The following QKI variants were observed in gnomAD, a reference collection of about 807,000 sequenced individuals.
QKI encodes QKI, KH domain containing RNA binding.
A neutral mutation model predicts 39.0 loss-of-function variants in QKI; 10 were observed. The ratio of observed to expected loss-of-function variants is 0.26; its 90% CI spans 0.16 to 0.43. The LOEUF (loss-of-function observed/expected upper bound fraction) is 0.43, where lower values mean the gene tolerates loss of function less well. Ranked by LOEUF, QKI falls within the 20% of genes least tolerant of loss-of-function variation. QKI has a pLI of 1.00. For synonymous variants in QKI, 204 were observed against 155.4 expected, an observed-to-expected ratio of 1.31 and a Z score of -2.33; for missense variants, 218 against 428.0, an observed-to-expected ratio of 0.51 and a Z score of 4.33.
intron 3 of QKI, among the ~76,000 whole-genome samples, chr6:163,525,729 A>T (rs552180543): frequency 2.0e-5 from 3 of 152,294 alleles, no homozygotes; most frequent in Non-Finnish European, 4.4e-5. Flanking sequence ...ACTTTTAAGT[A>T]TTGTATTTAG....
chr6:163,488,637 T>C (rs1173228504), intron 3 of QKI, among the ~76,000 whole-genome samples: 1 of 152,186 alleles, frequency 6.6e-6, no homozygotes, highest in African/African-American at 2.4e-5. Flanking sequence ...GGTGACAATT[T>C]TACACTGAGC....
At chr6:163,417,317 C>T (rs1237162653) in intron 1 of QKI, among the ~76,000 whole-genome samples, 1 of 151,912 alleles carries the variant, frequency 6.6e-6, no homozygotes, top group East Asian at 1.9e-4. Context: ...GAAAATAGGC[C>T]TTGGCAATAT....
At chr6:163,568,879 G>A in intron 7 of QKI, 6 of 985,792 alleles carry the variant, frequency 6.1e-6, no homozygotes, top group Non-Finnish European at 7.2e-6. Context: ...GTCTTGCATG[G>A]TGACACACCT....
chr6:163,524,116 T>C (rs1261047098), intron 3 of QKI, among the ~76,000 whole-genome samples: 1 of 152,216 alleles, frequency 6.6e-6, no homozygotes, highest in East Asian at 1.9e-4. Flanking sequence ...TATCCCACTT[T>C]CCAGGAAACT....
chr6:163,455,233 G>T (rs779021640), intron 1 of QKI, 46 bp from the exon 2 acceptor site: 13 of 1,537,160 alleles, frequency 8.5e-6, no homozygotes, highest in Non-Finnish European at 9.8e-6. Flanking sequence ...GGACTAGCAA[G>T]AATATTTTTT....
Position 163,576,553 on chromosome 6 carries a change from T to A in QKI, c.*5843T>A, listed in dbSNP as rs529917222. ...ATTGTAGTGGTATGTATGAAACATT[T>A]AAAATTTTACTGTGGAAATTGTGTA... On this transcript the variant is annotated 3_prime_UTR_variant, in exon 8 of 8. Transcript: ENST00000361752. 19 of 152,128 alleles carry A rather than the reference T, an allele frequency of 1.2e-4. No homozygotes were observed. Among genetic ancestry groups the A allele is most frequent in the African/African-American group, 4.6e-4 (19 of 41,402 alleles). The allele number at this position is 152,128 out of a possible 1,614,324, so 9.4% of individuals were successfully genotyped here. A position where few individuals can be genotyped will look rare whatever the true frequency, so the allele number is the denominator to read the frequency against.
intron 3 of QKI, among the ~76,000 whole-genome samples, chr6:163,509,631 C>A (rs1364720820): frequency 6.6e-6 from 1 of 151,928 alleles, no homozygotes; most frequent in African/African-American, 2.4e-5. Flanking sequence ...ATTGTATCCC[C>A]TATAGCAATA....
At chr6:163,525,684 T>C (rs1038521454) in intron 3 of QKI, among the ~76,000 whole-genome samples, 1 of 152,164 alleles carries the variant, frequency 6.6e-6, no homozygotes, top group Non-Finnish European at 1.5e-5. Context: ...CTTTTTATTG[T>C]TTTCAATGAA....
chr6:163,446,345 G>A (rs1485623168), intron 1 of QKI, among the ~76,000 whole-genome samples: 1 of 152,078 alleles, frequency 6.6e-6, no homozygotes, highest in Admixed American at 6.6e-5. Flanking sequence ...GTTATCTTGG[G>A]TACCCGTTTC....
intron 2 of QKI, among the ~76,000 whole-genome samples, chr6:163,465,383 A>G (rs1791659177): frequency 6.6e-6 from 1 of 152,086 alleles, no homozygotes; most frequent in Non-Finnish European, 1.5e-5. Flanking sequence ...GATTCCCAGC[A>G]CTTTGGGAGG....
Position 163,574,240 on chromosome 6 carries a change from T to C in QKI, c.*3530T>C, listed in dbSNP as rs1783854785. 1 of 152,356 alleles carries C rather than the reference T, an allele frequency of 6.6e-6. No individual in the cohort carries two copies. Among genetic ancestry groups the C allele is most frequent in the South Asian group, 2.1e-4 (1 of 4,832 alleles). The allele number at this position is 152,356 out of a possible 1,614,324, so 9.4% of individuals were successfully genotyped here. A position where few individuals can be genotyped will look rare whatever the true frequency, so the allele number is the denominator to read the frequency against. ...TTGATTCTTTGTTGAACCATTTCTT[T>C]TAATTTCTGTAAATAAGTAATTTTA... On this transcript the variant is annotated 3_prime_UTR_variant, in exon 8 of 8. Transcript: ENST00000361752.
chr6:163,475,337 A>T (rs946525466), intron 2 of QKI, among the ~76,000 whole-genome samples: 1 of 152,040 alleles, frequency 6.6e-6, no homozygotes, highest in Non-Finnish European at 1.5e-5. Context: ...AAATATACAA[A>T]TTTTTTCTTG....
chr6:163,546,694 A>G (rs1474518850), intron 4 of QKI, among the ~76,000 whole-genome samples: 1 of 152,114 alleles, frequency 6.6e-6, no homozygotes, highest in African/African-American at 2.4e-5. Flanking sequence ...GTATATTAAA[A>G]GATTCAAATA....
At chr6:163,555,110 T>C (rs1003118488) in intron 4 of QKI, among the ~76,000 whole-genome samples, 1 of 152,212 alleles carries the variant, frequency 6.6e-6, no homozygotes, top group East Asian at 1.9e-4. Context: ...ATTAAATTAG[T>C]CATGTATTTT....
chr6:163,564,523 A>G (rs1783235308), intron 6 of QKI: 6 of 1,503,150 alleles, frequency 4.0e-6, no homozygotes, highest in Non-Finnish European at 8.8e-7. Context: ...GTAGTACAGT[A>G]TGGAATAGTT....
At position 163,571,805 on chromosome 6, in the gene QKI, G is replaced by A. The variant is rs1303948672; in HGVS notation, c.*1095G>A. The A allele has an allele frequency of 1.3e-5, 2 of 151,780 alleles. No individual in the cohort carries two copies. Among genetic ancestry groups the A allele is most frequent in the African/African-American group, 4.8e-5 (2 of 41,308 alleles). The allele number at this position is 151,780 out of a possible 1,614,324, so 9.4% of individuals were successfully genotyped here. On this transcript the variant is annotated 3_prime_UTR_variant, in exon 8 of 8. Transcript: ENST00000361752. ...TGTCAAGAAACAAAAGACCAAAAGAGCCTTTTTGTCTTTCTTTTTTATTTT... is the reference window on the plus strand; with the variant it reads ...TGTCAAGAAACAAAAGACCAAAAGAACCTTTTTGTCTTTCTTTTTTATTTT...
At chr6:163,555,115 TA>T (rs1204321812) in intron 4 of QKI, among the ~76,000 whole-genome samples, 2 of 152,232 alleles carry the variant, frequency 1.3e-5, no homozygotes, top group African/African-American at 4.8e-5. Context: ...ATTAGTCATG[TA>T]TTTTTTTGTT....
chr6:163,514,944 C>T (rs192233332), intron 3 of QKI, among the ~76,000 whole-genome samples: 1 of 152,132 alleles, frequency 6.6e-6, no homozygotes, highest in Admixed American at 6.5e-5. Flanking sequence ...ACACCATACC[C>T]CATTTAAAAG....
chr6:163,525,845 C>G (rs1047838162), intron 3 of QKI, among the ~76,000 whole-genome samples: 1 of 152,166 alleles, frequency 6.6e-6, no homozygotes, highest in Admixed American at 6.5e-5. Context: ...ATTAGTTTAT[C>G]TCATTTTTAA....
Sources: allele counts gnomAD v4.1 joint callset (sites outside exome capture counted in the v4.1 genomes callset), GRCh38; gene constraint gnomAD v4.1.1; transcripts MANE v1.5; gene names NCBI Gene and HGNC (gene_info 2026-07-23, HGNC 2026-07-21).